CCDC13: variants seen among roughly 807,000 people sequenced by gnomAD.
CCDC13 encodes coiled-coil domain containing 13.
CCDC13 carries 70 observed loss-of-function variants against 87.3 expected under a neutral mutation model. That is an observed-to-expected ratio of 0.80 (90% CI 0.66 to 0.98). CCDC13 has a LOEUF of 0.98. Among genes scored for constraint, CCDC13 ranks in the 50% least tolerant of loss-of-function variants. The pLI is 0.00. For missense variants in CCDC13, 842 were observed against 892.0 expected (o/e 0.94, Z 0.71); for synonymous variants, 317 against 360.3 (o/e 0.88, Z 1.36).
At chr3:42,754,739 G>A (rs1189718898) in intron 3 of CCDC13, among the ~76,000 whole-genome samples, 3 of 152,174 alleles carry the variant, frequency 2.0e-5, no homozygotes, top group Non-Finnish European at 4.4e-5. Context: ...ACAAATTCTG[G>A]AACTGGCTAT....
At chr3:42,718,081 G>A (rs925738411) in intron 13 of CCDC13, 2 of 152,216 alleles carry the variant, frequency 1.3e-5, no homozygotes, top group East Asian at 3.8e-4. Flanking sequence ...TCTTAAATAG[G>A]AGCTGGGTGA....
At chr3:42,771,626 G>GT (rs1700111714) in intron 1 of CCDC13, among the ~76,000 whole-genome samples, 1 of 152,168 alleles carries the variant, frequency 6.6e-6, no homozygotes, top group Non-Finnish European at 1.5e-5. Context: ...ATGGTGGCAT[G>GT]TGCCTGTGTT....
At chr3:42,731,347 G>A (rs1433171438) in intron 12 of CCDC13, among the ~76,000 whole-genome samples, 2 of 129,892 alleles carry the variant, frequency 1.5e-5, no homozygotes, top group East Asian at 4.7e-4. Flanking sequence ...GTGGTCTTGG[G>A]CAGGTCTCTT....
intron 1 of CCDC13, among the ~76,000 whole-genome samples, chr3:42,772,212 A>C (rs1189691013): frequency 2.7e-5 from 4 of 148,658 alleles, no homozygotes; most frequent in African/African-American, 1.0e-4. Context: ...AGAGGTTGCA[A>C]TGAGCCAAGA....
intron 10 of CCDC13, 138 bp from the exon 11 acceptor site, chr3:42,733,747 T>C: frequency 9.1e-7 from 1 of 1,099,972 alleles, no homozygotes; most frequent in Non-Finnish European, 1.2e-6. Flanking sequence ...AAGCGAGGCC[T>C]GTTTGGTGAA....
chr3:42,751,471 A>G (rs1203122581), intron 5 of CCDC13, among the ~76,000 whole-genome samples: 1 of 152,210 alleles, frequency 6.6e-6, no homozygotes, highest in Non-Finnish European at 1.5e-5. Flanking sequence ...AAGTGTTCAT[A>G]ATATGAACTG....
chr3:42,761,408 C>T (rs1699829933), intron 1 of CCDC13, among the ~76,000 whole-genome samples: 1 of 152,214 alleles, frequency 6.6e-6, no homozygotes, highest in Admixed American at 6.5e-5. Context: ...CCTCGCTCCC[C>T]ATGCCCTTGC....
intron 14 of CCDC13, among the ~76,000 whole-genome samples, chr3:42,711,246 CAAAAAAAAA>C (rs1174084143): frequency 1.3e-5 from 1 of 75,324 alleles, no homozygotes; most frequent in African/African-American, 5.6e-5. Context: ...ACTCTGTCTC[CAAAAAAAAA>C]AAAAAAAAAA....
chr3:42,770,702 T>C (rs1700056108), intron 1 of CCDC13: 1 of 152,604 alleles, frequency 6.6e-6, no homozygotes, highest in Non-Finnish European at 1.5e-5. Flanking sequence ...ACTGCTTTTA[T>C]GAGCTGTAAC....
chr3:42,739,283 AACTGGT>A (rs1372025484), intron 9 of CCDC13, among the ~76,000 whole-genome samples: 2 of 152,214 alleles, frequency 1.3e-5, no homozygotes. Context: ...CAGAGATAAG[AACTGGT>A]ACTGGCTCCT....
Position 42,753,309 on chromosome 3 carries a change from G to C in CCDC13, c.371-592C>G, listed in dbSNP as rs935626617. Among the ~76,000 whole-genome samples the C allele has an allele frequency of 4.3e-4, 66 of 152,220 alleles. 3 individuals carry two copies. The highest frequency in any genetic ancestry group is 1.5e-5 in the Non-Finnish European group (1 of 68,042). The stretch of plus-strand genomic sequence containing the variant: ...AACCAATCTAGCCAAGCCTGGCCTA[G>C]ATCGGCCAATCCCCAACCAACCCCC... On this transcript the variant is annotated intron_variant, in intron 3 of 15. Coordinates refer to ENST00000310232, the MANE Select transcript of CCDC13 (RefSeq NM_144719.4).
At chr3:42,767,070 G>T (rs1198196369) in intron 1 of CCDC13, among the ~76,000 whole-genome samples, 1 of 151,462 alleles carries the variant, frequency 6.6e-6, no homozygotes, top group South Asian at 2.1e-4. Flanking sequence ...AATAAGCCAA[G>T]AAAAGGAAAT....
In CCDC13 at chr3:42,717,724, T is replaced by C. The variant is rs1368941700; in HGVS notation, c.1719-4408A>G. ...AGAAGTCCAAGGTTGGCCTAGCTAATTTGTCAGTGTCTTACATGGCTGAAG... is the reference window on the plus strand; with the variant it reads ...AGAAGTCCAAGGTTGGCCTAGCTAACTTGTCAGTGTCTTACATGGCTGAAG... On this transcript the variant is annotated intron_variant, in intron 13 of 15. Coordinates refer to ENST00000310232, the MANE Select transcript of CCDC13 (RefSeq NM_144719.4). Among the ~76,000 whole-genome samples, 3 of 152,356 alleles carry C rather than the reference T, an allele frequency of 2.0e-5. No individual in the cohort carries two copies. The East Asian group carries it at 5.8e-4, about 29-fold the overall frequency.
chr3:42,705,283 C>T (rs1195589447), downstream of CCDC13, among the ~76,000 whole-genome samples: 1 of 152,014 alleles, frequency 6.6e-6, no homozygotes. Context: ...TGTGGGGGTG[C>T]AGAGGAGCAC....
At chr3:42,743,203 G>T in intron 7 of CCDC13, 146 bp from the exon 8 acceptor site, 1 of 814,518 alleles carries the variant, frequency 1.2e-6, no homozygotes, top group Non-Finnish European at 1.9e-6. Context: ...ACTAGGGGTG[G>T]GGGACAATCT....
intron 9 of CCDC13, 102 bp downstream of exon 9, chr3:42,739,532 T>C: frequency 7.8e-7 from 1 of 1,289,774 alleles, no homozygotes; most frequent in Non-Finnish European, 1.1e-6. Flanking sequence ...GTTACACAGG[T>C]GGCATTGAGG....
intron 5 of CCDC13, among the ~76,000 whole-genome samples, chr3:42,750,900 C>T (rs1382311258): frequency 6.6e-6 from 1 of 152,218 alleles, no homozygotes; most frequent in Non-Finnish European, 1.5e-5. Flanking sequence ...CCAGGGGCAG[C>T]TTAGCAGTGT....
intron 13 of CCDC13, among the ~76,000 whole-genome samples, chr3:42,727,062 G>A (rs1698705905): frequency 6.6e-6 from 1 of 152,110 alleles, no homozygotes; most frequent in South Asian, 2.1e-4. Flanking sequence ...TTCAAGACAG[G>A]CAAAATAAAG....
chr3:42,745,208 T>C (rs1699360224), intron 7 of CCDC13: 1 of 152,254 alleles, frequency 6.6e-6, no homozygotes, highest in Non-Finnish European at 1.5e-5. Context: ...TCTCACATGT[T>C]TCTCAGTTTG....
Sources: gnomAD v4.1 joint callset for allele counts (sites outside exome capture counted in the v4.1 genomes callset) on GRCh38, gnomAD v4.1.1 for gene constraint, MANE v1.5 for transcripts, NCBI Gene and HGNC (gene_info 2026-07-23, HGNC 2026-07-21) for gene names.